The following ATXN10 variants were observed in gnomAD, a reference collection of about 807,000 sequenced individuals.
ATXN10 encodes the protein ataxin 10.
Under a neutral mutation model 52.9 loss-of-function variants are expected in ATXN10, and 28 were observed. The observed-to-expected ratio is 0.53, with a 90% CI of 0.39 to 0.73. The LOEUF (loss-of-function observed/expected upper bound fraction) is 0.73, where lower values mean the gene tolerates loss of function less well. ATXN10 is among the 30% of genes least tolerant of loss of function. ATXN10 has a pLI of 0.00. For missense variants in ATXN10, 565 were observed against 577.0 expected, an observed-to-expected ratio of 0.98 and a Z score of 0.21; for synonymous variants, 226 against 221.5, an observed-to-expected ratio of 1.02 and a Z score of -0.18.
intron 8 of ATXN10, among the ~76,000 whole-genome samples, chr22:45,739,100 A>G (rs1405535540): frequency 6.6e-6 from 1 of 152,176 alleles, no homozygotes; most frequent in Admixed American, 6.5e-5. Flanking sequence ...TGTTATGCAT[A>G]TAGTAGATGT....
chr22:45,793,612 G>C, intron 9 of ATXN10: 1 of 1,326,166 alleles, frequency 7.5e-7, no homozygotes, highest in Non-Finnish European at 9.7e-7. Flanking sequence ...GGCAGCTATT[G>C]CTTCAGAAGT....
intron 10 of ATXN10, among the ~76,000 whole-genome samples, chr22:45,817,835 G>A (rs1928516814): frequency 6.6e-6 from 1 of 152,052 alleles, no homozygotes; most frequent in Admixed American, 6.6e-5. Context: ...TCCCAGCCCA[G>A]ACCAGTAAGA....
chr22:45,839,925 G>T (rs992903336), intron 10 of ATXN10, among the ~76,000 whole-genome samples: 2 of 152,230 alleles, frequency 1.3e-5, no homozygotes, highest in African/African-American at 4.8e-5. Flanking sequence ...CCCCACCCAC[G>T]TGGTGAATGA....
Position 45,780,229 on chromosome 22 carries a change from G to A in ATXN10, c.1174-26730G>A, listed in dbSNP as rs1423016958. ...CTCCTGAGTAGCTGGGATTACAGGC[G>A]TGTGCCACCACGCCCAGCTAATTTT... On this transcript the variant is annotated intron_variant, in intron 9 of 11. Coordinates refer to ENST00000252934, the MANE Select transcript of ATXN10 (RefSeq NM_013236.4). The surrounding 1 kb of genome is among the most constrained non-coding windows in gnomAD (Gnocchi z 4.0). Among the ~76,000 whole-genome samples the A allele has an allele frequency of 3.9e-5, 6 of 152,052 alleles. No homozygotes were observed. In the East Asian group the frequency reaches 7.7e-4, roughly 20 times the overall value.
intron 9 of ATXN10, among the ~76,000 whole-genome samples, chr22:45,799,087 G>GTTT (rs140914038): frequency 9.8e-4 from 146 of 149,528 alleles, no homozygotes; most frequent in Middle Eastern, 3.4e-3. Context: ...TTTGTTTTTT[G>GTTT]TTTTTCTTTT....
At chr22:45,694,799 G>A (rs1325165272) in intron 3 of ATXN10, among the ~76,000 whole-genome samples, 4 of 149,488 alleles carry the variant, frequency 2.7e-5, no homozygotes, top group African/African-American at 7.4e-5. Flanking sequence ...AAAAAGAACC[G>A]GGCATGGTGG....
chr22:45,729,423 A>G lies in ATXN10; in HGVS notation c.729-2A>G. On this transcript the variant is annotated splice_acceptor_variant, in intron 6 of 11. Coordinates refer to ENST00000252934, the MANE Select transcript of ATXN10 (RefSeq NM_013236.4). LOFTEE classifies it high-confidence loss of function. Reference sequence around the variant, plus strand: ...CATGCAGAAATCCTTTATGTTTTACAGAGTTACACTGTTAGACCTTATGAT... The same window carrying G: ...CATGCAGAAATCCTTTATGTTTTACGGAGTTACACTGTTAGACCTTATGAT... The G allele has an allele frequency of 6.2e-7, 1 of 1,614,044 alleles. No individual in the cohort carries two copies. The highest frequency in any genetic ancestry group is 8.5e-7 in the Non-Finnish European group (1 of 1,179,906).
chr22:45,751,058 G>T (rs754838179), intron 9 of ATXN10, among the ~76,000 whole-genome samples: 3 of 152,042 alleles, frequency 2.0e-5, no homozygotes, highest in Non-Finnish European at 4.4e-5. Context: ...AGCCTCCTGA[G>T]TAGCTGGGAT....
At chr22:45,716,259 A>G (rs1012354253) in intron 5 of ATXN10, among the ~76,000 whole-genome samples, 4 of 151,320 alleles carry the variant, frequency 2.6e-5, no homozygotes, top group African/African-American at 9.7e-5. Context: ...GCGAGACCCC[A>G]TGTCTTAAAA....
chr22:45,731,639 A>C (rs528815241), intron 7 of ATXN10, among the ~76,000 whole-genome samples: 5 of 152,330 alleles, frequency 3.3e-5, no homozygotes, highest in African/African-American at 9.6e-5. Context: ...CACTGTCCAC[A>C]GGCGGGAATG....
intron 3 of ATXN10, 44 bp downstream of exon 3, chr22:45,693,122 G>C (rs1923450797): frequency 2.6e-6 from 4 of 1,522,732 alleles, no homozygotes; most frequent in South Asian, 2.2e-5. Flanking sequence ...TCTTTATAAA[G>C]GGTTCAAAAC....
chr22:45,694,417 C>A (rs943600089), intron 3 of ATXN10, among the ~76,000 whole-genome samples: 25 of 151,934 alleles, frequency 1.6e-4, no homozygotes, highest in African/African-American at 5.8e-4. Context: ...TTGGAGAGGC[C>A]AAGGTGGACA....
chr22:45,730,829 G>A (rs1925062226), intron 7 of ATXN10, among the ~76,000 whole-genome samples: 1 of 152,110 alleles, frequency 6.6e-6, no homozygotes, highest in African/African-American at 2.4e-5. Context: ...TGTTATCCTA[G>A]GACATAATCT....
chr22:45,839,190 A>T (rs533109387), intron 10 of ATXN10, among the ~76,000 whole-genome samples: 4 of 152,254 alleles, frequency 2.6e-5, no homozygotes, highest in Admixed American at 6.5e-5. Flanking sequence ...AGTTGACTCC[A>T]GAGTGGTCTT....
Position 45,678,486 on chromosome 22 carries a change from G to A in ATXN10, c.116+6307G>A, listed in dbSNP as rs1426832274. 6.6e-6 allele frequency: 1 copy of A among 152,190 alleles called. No homozygotes were observed. Among genetic ancestry groups the A allele is most frequent in the Non-Finnish European group, 1.5e-5 (1 of 68,034 alleles). 9.4% of individuals were successfully genotyped at this position (152,190 alleles called of 1,614,324 possible). The stretch of plus-strand genomic sequence containing the variant: ...TTTTTAAAAAGTCACATTGTTTGGA[G>A]TAGAGGGGATGTGTTTAAAATGTGA... On this transcript the variant is annotated intron_variant, in intron 1 of 11. Transcript: ENST00000252934. The surrounding 1 kb of genome is among the most constrained non-coding windows in gnomAD (Gnocchi z 4.1).
At chr22:45,695,897 C>G (rs184430469) in intron 3 of ATXN10, among the ~76,000 whole-genome samples, 4 of 152,098 alleles carry the variant, frequency 2.6e-5, no homozygotes, top group Admixed American at 6.6e-5. Flanking sequence ...GCTAAATTAG[C>G]GTGTTAGAGC....
At position 45,835,973 on chromosome 22, in the gene ATXN10, C is replaced by T. The variant is rs1929153667; in HGVS notation, c.1238-7018C>T. On this transcript the variant is annotated intron_variant, in intron 10 of 11. Coordinates refer to ENST00000252934, the MANE Select transcript of ATXN10 (RefSeq NM_013236.4). The surrounding 1 kb of genome is among the most constrained non-coding windows in gnomAD (Gnocchi z 5.0). ...ACAGGCTACGAAACATAGAACAGTA[C>T]ATACAGCATTGCATGGAAACCTTTG... Among the ~76,000 whole-genome samples, 1 of 152,140 alleles carries T rather than the reference C, an allele frequency of 6.6e-6. No homozygotes were observed. Among genetic ancestry groups the T allele is most frequent in the African/African-American group, 2.4e-5 (1 of 41,426 alleles).
At chr22:45,773,591 T>A (rs771492746) in intron 9 of ATXN10, among the ~76,000 whole-genome samples, 1 of 152,102 alleles carries the variant, frequency 6.6e-6, no homozygotes, top group South Asian at 2.1e-4. Flanking sequence ...CCTGAGTAAC[T>A]GGGATTACAG....
At chr22:45,685,672 T>G (rs966980696) in intron 1 of ATXN10, among the ~76,000 whole-genome samples, 1 of 152,212 alleles carries the variant, frequency 6.6e-6, no homozygotes, top group Non-Finnish European at 1.5e-5. Context: ...CTTTCAAGGC[T>G]GTAGAGAAGG....
Sources: allele counts gnomAD v4.1 joint callset (sites outside exome capture counted in the v4.1 genomes callset), GRCh38; gene constraint gnomAD v4.1.1; non-coding constraint Gnocchi (gnomAD v3.1); transcripts MANE v1.5; gene names NCBI Gene and HGNC (gene_info 2026-07-23, HGNC 2026-07-21).